WFDC6: variants seen among roughly 807,000 people sequenced by gnomAD.
WFDC6 encodes the protein WAP four-disulfide core domain protein 6.
Under a neutral mutation model 8.2 loss-of-function variants are expected in WFDC6, and 10 were observed. That is an observed-to-expected ratio of 1.22 (90% CI 0.75 to 2.07). The LOEUF (loss-of-function observed/expected upper bound fraction) is 2.07. WFDC6 is among the 30% of genes most tolerant of loss of function. The probability of loss-of-function intolerance (pLI) is 0.00; values close to 1 mark genes in which losing one functional copy is unlikely to be tolerated. For synonymous variants in WFDC6, 28 were observed against 37.0 expected (o/e 0.76, Z 0.88); for missense variants, 105 against 104.9 (o/e 1.00, Z 0.00).
rs769511041 is a variant in WFDC6, at chr20:45,538,096, T to C, written c.92-2A>G. On this transcript the variant is annotated splice_acceptor_variant, in intron 1 of 2. Coordinates refer to ENST00000372670, the MANE Select transcript of WFDC6 (RefSeq NM_080827.2). LOFTEE classifies it high-confidence loss of function. ...CCACTTTGATTTTGGGACACGGCTC[T>C]AAGGGAGGGGAAGATATATTCCCTC... 1 of 1,613,930 alleles carries C rather than the reference T, an allele frequency of 6.2e-7. No homozygotes were observed. The highest frequency in any genetic ancestry group is 8.5e-7 in the Non-Finnish European group (1 of 1,179,860).
At chr20:45,538,156 A>T in intron 1 of WFDC6, 62 bp from the exon 2 acceptor site, 1 of 1,610,426 alleles carries the variant, frequency 6.2e-7, no homozygotes, top group South Asian at 1.1e-5. Flanking sequence ...CCCCTCCCCG[A>T]GACCAGGGCA....
At position 45,534,507 on chromosome 20, in the gene WFDC6, T is replaced by A. The variant is rs1979291978; in HGVS notation, c.223-2A>T. On this transcript the variant is annotated splice_acceptor_variant, in intron 2 of 2. Transcript: ENST00000372670. LOFTEE classifies it high-confidence loss of function. Reference sequence around the variant, plus strand: ...CTTATGGTATAAAGTAAGGCTGACCTGTGAAGCAGAAGAATAAAGGGTGAG... The same window carrying A: ...CTTATGGTATAAAGTAAGGCTGACCAGTGAAGCAGAAGAATAAAGGGTGAG... 3.1e-6 allele frequency: 5 copies of A among 1,613,772 alleles called. No individual in the cohort carries two copies. Among genetic ancestry groups the A allele is most frequent in the Non-Finnish European group, 3.4e-6 (4 of 1,179,876 alleles).
In WFDC6 at chr20:45,534,424, C is replaced by T. The variant is rs934531033; in HGVS notation, c.*43G>A. 1.2e-6 allele frequency: 2 copies of T among 1,613,030 alleles called. No individual in the cohort carries two copies. On this transcript the variant is annotated 3_prime_UTR_variant, in exon 3 of 3. Coordinates refer to ENST00000372670, the MANE Select transcript of WFDC6 (RefSeq NM_080827.2). Reference sequence around the variant, plus strand: ...AAGCCAATTTGGAGCATCAATCAGGCACACGTGGAGAGAGGCCTGGATTAT... The same window carrying T: ...AAGCCAATTTGGAGCATCAATCAGGTACACGTGGAGAGAGGCCTGGATTAT...
At chr20:45,537,923 G>A (rs1979428598) in intron 2 of WFDC6, 41 bp downstream of exon 2, 6 of 1,613,412 alleles carry the variant, frequency 3.7e-6, no homozygotes, top group Admixed American at 1.7e-5. Flanking sequence ...GTGGAGATAG[G>A]AGGTGAGGGC....
At chr20:45,537,710 C>T (rs1979420085) in intron 2 of WFDC6, among the ~76,000 whole-genome samples, 1 of 152,116 alleles carries the variant, frequency 6.6e-6, no homozygotes, top group South Asian at 2.1e-4. Flanking sequence ...TTATCCACAC[C>T]TGTCTTATGG....
At chr20:45,535,366 CTGTCTCCCTGGAGAA>C in intron 2 of WFDC6, 1 of 1,269,820 alleles carries the variant, frequency 7.9e-7, no homozygotes, top group Non-Finnish European at 1.0e-6. Context: ...GTTTGGGTGC[CTGTCTCCCTGGAGAA>C]TGTCCATCTC....
At chr20:45,537,841 A>G in intron 2 of WFDC6, 123 bp downstream of exon 2, 5 of 1,536,700 alleles carry the variant, frequency 3.3e-6, no homozygotes, top group Non-Finnish European at 4.4e-6. Context: ...TGTGTCAAGT[A>G]GAAGATGTAC....
At chr20:45,535,302 C>T in intron 2 of WFDC6, 7 of 1,304,010 alleles carry the variant, frequency 5.4e-6, no homozygotes, top group Non-Finnish European at 7.1e-6. Context: ...CAGGCAGGGG[C>T]CAGCCTCCTG....
chr20:45,538,253 T>C (rs1452823558), intron 1 of WFDC6, among the ~76,000 whole-genome samples, 159 bp from the exon 2 acceptor site: 3 of 151,970 alleles, frequency 2.0e-5, no homozygotes, highest in African/African-American at 4.8e-5. Context: ...TTCACAACAC[T>C]GCTCACATCC....
chr20:45,537,869 G>T, intron 2 of WFDC6, 95 bp downstream of exon 2: 1 of 1,581,750 alleles, frequency 6.3e-7, no homozygotes, highest in South Asian at 1.2e-5. Flanking sequence ...CTTGGTCAGA[G>T]ACCAGCCATC....
At chr20:45,535,947 C>T (rs192224689) in intron 2 of WFDC6, among the ~76,000 whole-genome samples, 47 of 152,368 alleles carry the variant, frequency 3.1e-4, no homozygotes, top group Non-Finnish European at 6.0e-4. Context: ...CGTGCCTTTG[C>T]ACATGCCTGA....
chr20:45,535,906 T>C (rs1461673603), intron 2 of WFDC6, among the ~76,000 whole-genome samples: 1 of 152,216 alleles, frequency 6.6e-6, no homozygotes, highest in Admixed American at 6.5e-5. Context: ...CCCAAACTTA[T>C]GCTCTAAAAA....
Position 45,536,014 on chromosome 20 carries a change from G to A in WFDC6, c.223-1509C>T, listed in dbSNP as rs769311233. On this transcript the variant is annotated intron_variant, in intron 2 of 2. Coordinates refer to ENST00000372670, the MANE Select transcript of WFDC6 (RefSeq NM_080827.2). ...TTGTTCATTCTTTAAAACCCTTTCC[G>A]GACATTGACTCTTTTATGCAGTCTT... Among the ~76,000 whole-genome samples, 8 of 152,188 alleles carry A rather than the reference G, an allele frequency of 5.3e-5. No homozygotes were observed. The East Asian group carries it at 5.8e-4, about 11-fold the overall frequency.
intron 2 of WFDC6, chr20:45,535,114 C>T: frequency 1.6e-6 from 2 of 1,278,838 alleles, no homozygotes; most frequent in Non-Finnish European, 2.0e-6. Context: ...CCAGACCTCC[C>T]AGTGTGGCCT....
chr20:45,534,594 G>T, intron 2 of WFDC6, 89 bp from the exon 3 acceptor site: 1 of 1,482,758 alleles, frequency 6.7e-7, no homozygotes, highest in Non-Finnish European at 9.3e-7. Flanking sequence ...AAGGAGGTGG[G>T]ATCATTTTTA....
Position 45,534,328 on chromosome 20 carries a change from C to T in WFDC6, c.*139G>A. The T allele has an allele frequency of 2.1e-6, 2 of 973,732 alleles. No homozygotes were observed. Among genetic ancestry groups the T allele is most frequent in the Admixed American group, 3.4e-5 (2 of 58,138 alleles). 60.3% of individuals were successfully genotyped at this position (973,732 alleles called of 1,614,324 possible). ...GAAGAGCATTGTGTTTGAAGAGATG[C>T]TACGCTGGAAGAAAGTGTGTAAGCA... On this transcript the variant is annotated 3_prime_UTR_variant, in exon 3 of 3. Transcript: ENST00000372670.
chr20:45,534,491 T>C lies in WFDC6; in HGVS notation c.237A>G (p.Leu79=), dbSNP rs756327872. ...GTTATTCAAGCTCCTCCTTATGGTATAAAGTAAGGCTGACCTGTGAAGCAG... is the reference window on the plus strand; with the variant it reads ...GTTATTCAAGCTCCTCCTTATGGTACAAAGTAAGGCTGACCTGTGAAGCAG... ...CLDFRKVSLT[L]YHKEELE is the part of the protein sequence containing the mutation. The change falls in exon 3 of 3, where the codon TTA becomes TTG. Residue 79 remains leucine (L), a synonymous_variant. Transcript: ENST00000372670. 1.2e-6 allele frequency: 2 copies of C among 1,613,984 alleles called. No individual in the cohort carries two copies. The highest frequency in any genetic ancestry group is 1.7e-6 in the Non-Finnish European group (2 of 1,179,912).
chr20:45,535,162 G>A, intron 2 of WFDC6: 2 of 1,303,664 alleles, frequency 1.5e-6, no homozygotes, highest in Non-Finnish European at 2.0e-6. Flanking sequence ...GGGACTTATG[G>A]TATTTTTTGC....
chr20:45,536,074 G>A (rs1455475096), intron 2 of WFDC6, among the ~76,000 whole-genome samples: 1 of 151,812 alleles, frequency 6.6e-6, no homozygotes, highest in Non-Finnish European at 1.5e-5. Context: ...GCTTTTCTTC[G>A]TTGCTTCTCA....
Sources: gnomAD v4.1 joint callset for allele counts (sites outside exome capture counted in the v4.1 genomes callset) on GRCh38, gnomAD v4.1.1 for gene constraint, MANE v1.5 for transcripts, NCBI Gene and HGNC (gene_info 2026-07-23, HGNC 2026-07-21) for gene names.